Variants in LRRC28 observed in about 807,000 individuals in gnomAD.
The protein encoded by LRRC28 is leucine-rich repeat-containing protein 28.
In LRRC28, 39 loss-of-function variants were observed where a neutral mutation model predicts 45.7. That is an observed-to-expected ratio of 0.85 (90% CI 0.66 to 1.12). The LOEUF (loss-of-function observed/expected upper bound fraction) is 1.12, where lower values mean the gene tolerates loss of function less well. Ranked by LOEUF, LRRC28 falls within the 50% of genes most tolerant of loss-of-function variation. The pLI, the probability that LRRC28 is intolerant of heterozygous loss-of-function variation, is 0.00. For missense variants in LRRC28, 435 were observed against 438.5 expected, an observed-to-expected ratio of 0.99 and a Z score of 0.07; for synonymous variants, 206 against 178.8, an observed-to-expected ratio of 1.15 and a Z score of -1.22.
At chr15:99,375,699 T>G (rs575737106) in intron 9 of LRRC28, among the ~76,000 whole-genome samples, 13 of 152,270 alleles carry the variant, frequency 8.5e-5, no homozygotes, top group African/African-American at 3.1e-4. Context: ...TTTGGTAGTT[T>G]GTAGTTTTCT....
Position 99,363,688 on chromosome 15 carries a change from G to GCA in LRRC28, c.1031+434_1031+435dup, listed in dbSNP as rs138266356. Among the ~76,000 whole-genome samples the GCA allele has an allele frequency of 8.1e-3, 1,227 of 152,172 alleles. 17 individuals carry two copies. Among genetic ancestry groups the GCA allele is most frequent in the African/African-American group, 0.028 (1,164 of 41,536 alleles). On this transcript the variant is annotated intron_variant, in intron 9 of 9. Transcript: ENST00000301981. ...TATGTGTGTGTGTTTGTGTGCATGC[G>GCA]CACACACACACATTTCTGTTTTGAA...
intron 2 of LRRC28, chr15:99,259,313 T>C: frequency 8.0e-7 from 1 of 1,243,952 alleles, no homozygotes; most frequent in Non-Finnish European, 1.2e-6. Flanking sequence ...TGAAGTTATT[T>C]ACCTCACAGA....
At chr15:99,385,917 TG>T (rs1387943797) in intron 9 of LRRC28, 112 bp from the exon 10 acceptor site, 63 of 894,036 alleles carry the variant, frequency 7.0e-5, no homozygotes, top group Non-Finnish European at 1.9e-5. Context: ...TTATGCAGTT[TG>T]TTGACCATGG....
intron 5 of LRRC28, among the ~76,000 whole-genome samples, chr15:99,306,206 C>T (rs1955176687): frequency 6.6e-6 from 1 of 152,190 alleles, no homozygotes; most frequent in Non-Finnish European, 1.5e-5. Flanking sequence ...AGACATTGCC[C>T]ACTCGGTTTC....
At position 99,256,355 on chromosome 15, in the gene LRRC28, G is replaced by A. The variant is rs982168302; in HGVS notation, c.168+230G>A. Reference sequence around the variant, plus strand: ...TGTGTAGGAAAGCAAAATACTCACTGATGTATGACTTATAAAGTTAGTACC... The same window carrying A: ...TGTGTAGGAAAGCAAAATACTCACTAATGTATGACTTATAAAGTTAGTACC... On this transcript the variant is annotated intron_variant, in intron 2 of 9. Transcript: ENST00000301981. 61 of 354,140 alleles carry A rather than the reference G, an allele frequency of 1.7e-4. 1 individual carries two copies. The highest frequency in any genetic ancestry group is 7.5e-4 in the Middle Eastern group (1 of 1,342). 21.9% of individuals were successfully genotyped at this position (354,140 alleles called of 1,614,324 possible).
intron 5 of LRRC28, among the ~76,000 whole-genome samples, chr15:99,290,343 A>T (rs2082089033): frequency 6.6e-6 from 1 of 152,182 alleles, no homozygotes; most frequent in East Asian, 1.9e-4. Flanking sequence ...CATATAATGA[A>T]TGTCTTATTT....
intron 9 of LRRC28, among the ~76,000 whole-genome samples, chr15:99,368,731 A>G (rs1957404151): frequency 2.0e-5 from 3 of 152,214 alleles, no homozygotes; most frequent in African/African-American, 7.2e-5. Context: ...TTGATGATCC[A>G]GAAGTCACAT....
intron 2 of LRRC28, among the ~76,000 whole-genome samples, chr15:99,269,677 A>G (rs1016999425): frequency 6.6e-6 from 1 of 152,228 alleles, no homozygotes; most frequent in African/African-American, 2.4e-5. Context: ...TGTTAGGATT[A>G]CAGGTGTGAG....
chr15:99,383,563 C>G (rs1957893654), intron 9 of LRRC28, among the ~76,000 whole-genome samples: 1 of 152,170 alleles, frequency 6.6e-6, no homozygotes, highest in Non-Finnish European at 1.5e-5. Context: ...GTGGGCAGTT[C>G]TGGATACAAC....
In LRRC28 at chr15:99,388,032, T is replaced by C. The variant is rs1176359044; in HGVS notation, c.*1930T>C. 4 of 152,256 alleles carry C rather than the reference T, an allele frequency of 2.6e-5. No homozygotes were observed. The allele number at this position is 152,256 out of a possible 1,614,324, so 9.4% of individuals were successfully genotyped here. ...TTGTCCCTTTTCATATCTTGGTCTA[T>C]TCAGCCTTAACATTTCAAAGGCTTA... On this transcript the variant is annotated 3_prime_UTR_variant, in exon 10 of 10. Coordinates refer to ENST00000301981, the MANE Select transcript of LRRC28 (RefSeq NM_144598.5).
chr15:99,280,593 T>C (rs2081759591), intron 3 of LRRC28, among the ~76,000 whole-genome samples: 1 of 152,132 alleles, frequency 6.6e-6, no homozygotes, highest in Non-Finnish European at 1.5e-5. Context: ...TATTTGTTCC[T>C]TTGTGTGTAT....
At chr15:99,373,537 TATACAA>T (rs1438917279) in intron 9 of LRRC28, among the ~76,000 whole-genome samples, 1 of 152,200 alleles carries the variant, frequency 6.6e-6, no homozygotes, top group Non-Finnish European at 1.5e-5. Context: ...ACAATGCAAT[TATACAA>T]TTTTAGTTAC....
chr15:99,350,543 T>C (rs1956846121), intron 6 of LRRC28, among the ~76,000 whole-genome samples: 1 of 152,244 alleles, frequency 6.6e-6, no homozygotes, highest in East Asian at 1.9e-4. Context: ...GTTTTTCCTG[T>C]TTCCACATCG....
chr15:99,258,640 C>G, intron 2 of LRRC28: 2 of 755,658 alleles, frequency 2.6e-6, no homozygotes, highest in Admixed American at 1.8e-5. Flanking sequence ...GATATCAAAC[C>G]AATATGGCAG....
chr15:99,300,549 G>A (rs940549007), intron 5 of LRRC28, among the ~76,000 whole-genome samples: 3 of 152,038 alleles, frequency 2.0e-5, no homozygotes, highest in South Asian at 2.1e-4. Context: ...ACAATTGGCC[G>A]GGCACCATGG....
At chr15:99,380,017 A>C (rs538024768) in intron 9 of LRRC28, among the ~76,000 whole-genome samples, 1 of 152,016 alleles carries the variant, frequency 6.6e-6, no homozygotes, top group South Asian at 2.1e-4. Flanking sequence ...TGTATAGTTG[A>C]TTTGGGGTGG....
rs1295282030 is a variant in LRRC28 at position 99,386,019 on chromosome 15, T to G, written c.1032-11T>G. The G allele has an allele frequency of 6.2e-7, 1 of 1,613,130 alleles. No homozygotes were observed. The highest frequency in any genetic ancestry group is 2.2e-5 in the East Asian group (1 of 44,888). Reference sequence around the variant, plus strand: ...CTCACAGCGTTCTTCTCTCCCTTTTTCCCCTTCCAGGAAGACAACTGTTAG... The same window carrying G: ...CTCACAGCGTTCTTCTCTCCCTTTTGCCCCTTCCAGGAAGACAACTGTTAG... On this transcript the variant is annotated splice_polypyrimidine_tract_variant and intron_variant, in intron 9 of 9. Transcript: ENST00000301981.
chr15:99,331,264 G>T (rs1956149826), intron 5 of LRRC28, among the ~76,000 whole-genome samples: 1 of 151,950 alleles, frequency 6.6e-6, no homozygotes, highest in South Asian at 2.1e-4. Flanking sequence ...TAGATGGTTT[G>T]CAGATAATGC....
intron 5 of LRRC28, among the ~76,000 whole-genome samples, chr15:99,296,828 A>C (rs186625821): frequency 1.3e-5 from 2 of 152,330 alleles, no homozygotes; most frequent in East Asian, 3.9e-4. Context: ...TTTAAACTGC[A>C]TGTAGTACTT....
Sources: gnomAD v4.1 joint callset for allele counts (sites outside exome capture counted in the v4.1 genomes callset) on GRCh38, gnomAD v4.1.1 for gene constraint, MANE v1.5 for transcripts, NCBI Gene and HGNC (gene_info 2026-07-23, HGNC 2026-07-21) for gene names.